C3orf62: variants seen among roughly 807,000 people sequenced by gnomAD.
The protein encoded by C3orf62 is chromosome 3 open reading frame 62.
C3orf62 carries 16 observed loss-of-function variants against 21.7 expected under a neutral mutation model. The observed-to-expected ratio is 0.74, with a 90% confidence interval of 0.50 to 1.12. The LOEUF (loss-of-function observed/expected upper bound fraction) is 1.12, where lower values mean the gene tolerates loss of function less well. C3orf62 is among the 50% of genes most tolerant of loss of function. The pLI, the probability that C3orf62 is intolerant of heterozygous loss-of-function variation, is 0.00. For missense variants in C3orf62, 310 were observed against 318.8 expected (o/e 0.97, Z 0.21); for synonymous variants, 114 against 117.0 (o/e 0.97, Z 0.17).
At chr3:49,273,554 C>A (rs1018005302) in intron 2 of C3orf62, among the ~76,000 whole-genome samples, 5 of 152,018 alleles carry the variant, frequency 3.3e-5, no homozygotes, top group African/African-American at 9.7e-5. Context: ...CTCAGCCTCC[C>A]TAGTAGCTGG....
chr3:49,275,820 G>A (rs955018524), intron 1 of C3orf62, among the ~76,000 whole-genome samples: 1 of 151,890 alleles, frequency 6.6e-6, no homozygotes, highest in Non-Finnish European at 1.5e-5. Context: ...GTGAGCCACC[G>A]CGCCCGGCCT....
rs2046908273 is a variant in C3orf62 at position 49,270,877 on chromosome 3, G to GGCCCAT, written c.*297_*302dup. 1 of 297,112 alleles carries GGCCCAT rather than the reference G, an allele frequency of 3.4e-6. No homozygotes were observed. The highest frequency in any genetic ancestry group is 6.2e-6 in the Non-Finnish European group (1 of 160,044). 18.4% of individuals were successfully genotyped at this position (297,112 alleles called of 1,614,324 possible). The stretch of plus-strand genomic sequence containing the variant: ...AAAGAACACTAAGAGACACAGCAGA[G>GGCCCAT]GCCCATGACCCACACCTACCATGGG... On this transcript the variant is annotated 3_prime_UTR_variant, in exon 3 of 3. Coordinates refer to ENST00000343010, the MANE Select transcript of C3orf62 (RefSeq NM_198562.3).
chr3:49,277,027 A>AAC lies in C3orf62; in HGVS notation c.-157_-156dup. On this transcript the variant is annotated 5_prime_UTR_variant, in exon 1 of 3. An upstream open reading frame in the 5' UTR loses its in-frame stop. Transcript: ENST00000343010. ...AGGCGGTTCTCGGCTCTCGCGGAGG[A>AAC]ACCCGCCATCTGCCAGAAGCCCCAA... 2.1e-6 allele frequency: 3 copies of AAC among 1,461,962 alleles called. No homozygotes were observed. Among genetic ancestry groups the AAC allele is most frequent in the Non-Finnish European group, 2.7e-6 (3 of 1,110,308 alleles). 90.6% of individuals were successfully genotyped at this position (1,461,962 alleles called of 1,614,324 possible).
chr3:49,275,529 T>TG (rs1309432110), intron 1 of C3orf62, among the ~76,000 whole-genome samples: 7 of 114,112 alleles, frequency 6.1e-5, no homozygotes, highest in Admixed American at 6.0e-4. Context: ...GTTTTTTTTT[T>TG]TTTTTTTTTT....
chr3:49,271,287 G>C lies in C3orf62; in HGVS notation c.697C>G (p.Pro233Ala). 1 of 1,614,184 alleles carries C rather than the reference G, an allele frequency of 6.2e-7. No individual in the cohort carries two copies. Among genetic ancestry groups the C allele is most frequent in the South Asian group, 1.1e-5 (1 of 91,088 alleles). The change falls in exon 3 of 3, where the codon CCT (proline) becomes GCT (alanine). Residue 233 changes from proline to alanine, a missense_variant. Coordinates refer to ENST00000343010, the MANE Select transcript of C3orf62 (RefSeq NM_198562.3). ...KSPQKATDAD[P>A]GSLKQAFDDH... Reference sequence around the variant, plus strand: ...TCAAAAGCCTGTTTGAGGCTGCCAGGGTCAGCATCTGTGGCCTTCTGAGGG... The same window carrying C: ...TCAAAAGCCTGTTTGAGGCTGCCAGCGTCAGCATCTGTGGCCTTCTGAGGG...
rs1054897314 is a variant in C3orf62, at chr3:49,269,869, C to G, written c.*1311G>C. 1.3e-5 allele frequency: 2 copies of G among 152,292 alleles called. No individual in the cohort carries two copies. Among genetic ancestry groups the G allele is most frequent in the Non-Finnish European group, 2.9e-5 (2 of 68,072 alleles). 9.4% of individuals were successfully genotyped at this position (152,292 alleles called of 1,614,324 possible). A position where few individuals can be genotyped will look rare whatever the true frequency, so the allele number is the denominator to read the frequency against. ...ATTTGAGCCCAGAGGAATCACTAGACCTGTGGTAAGGGATGTTGCTGGCTA... is the reference window on the plus strand; with the variant it reads ...ATTTGAGCCCAGAGGAATCACTAGAGCTGTGGTAAGGGATGTTGCTGGCTA... On this transcript the variant is annotated 3_prime_UTR_variant, in exon 3 of 3. Coordinates refer to ENST00000343010, the MANE Select transcript of C3orf62 (RefSeq NM_198562.3).
At chr3:49,275,520 T>G (rs13094114) in intron 1 of C3orf62, among the ~76,000 whole-genome samples, 1 of 23,204 alleles carries the variant, frequency 4.3e-5, no homozygotes, top group Admixed American at 5.4e-4. Flanking sequence ...AACTTTGAAG[T>G]TTTTTTTTTT....
rs1220729318 is a variant in C3orf62 at position 49,275,631 on chromosome 3, T to C, written c.446+796A>G. 3.8e-4 allele frequency among the ~76,000 whole-genome samples: 53 copies of C among 138,162 alleles called. 1 individual carries two copies. The highest frequency in any genetic ancestry group is 3.3e-4 in the African/African-American group (12 of 36,896). 90.6% of individuals were successfully genotyped at this position (138,162 alleles called of 152,430 possible). ...CTGCAAGCTCCGCCTCCCGGGTTCA[T>C]GCCATTCTCCTGCCTCAGCCTCCCG... On this transcript the variant is annotated intron_variant, in intron 1 of 2. Coordinates refer to ENST00000343010, the MANE Select transcript of C3orf62 (RefSeq NM_198562.3).
rs775374041 is a variant in C3orf62 at position 49,271,169 on chromosome 3, G to A, written c.*11C>T. 6 of 1,606,378 alleles carry A rather than the reference G, an allele frequency of 3.7e-6. No individual in the cohort carries two copies. In the South Asian group the frequency reaches 6.6e-5, roughly 18 times the overall value. On this transcript the variant is annotated 3_prime_UTR_variant, in exon 3 of 3. Transcript: ENST00000343010. ...TCCTGCTGTAAGGAATCAAAGCTTA[G>A]ATAACTGTCCTTACTCAATTTGGTA...
In C3orf62 at chr3:49,269,621, G is replaced by A. The variant is rs1483008774; in HGVS notation, c.*1559C>T. 2 of 152,230 alleles carry A rather than the reference G, an allele frequency of 1.3e-5. No homozygotes were observed. The highest frequency in any genetic ancestry group is 2.9e-5 in the Non-Finnish European group (2 of 68,050). The allele number at this position is 152,230 out of a possible 1,614,324, so 9.4% of individuals were successfully genotyped here. On this transcript the variant is annotated 3_prime_UTR_variant, in exon 3 of 3. Coordinates refer to ENST00000343010, the MANE Select transcript of C3orf62 (RefSeq NM_198562.3). ...GAATGCTTTGTGCTACCTCCTGCAG[G>A]GTCTGAGTGGTAGGTGGCCTGGAAG...
intron 1 of C3orf62, chr3:49,274,402 C>T: frequency 2.7e-6 from 1 of 365,130 alleles, no homozygotes; most frequent in Non-Finnish European, 5.1e-6. Flanking sequence ...GCCATGTTGC[C>T]CAGGCTGGTC....
intron 2 of C3orf62, among the ~76,000 whole-genome samples, chr3:49,272,975 A>G (rs9311439): frequency 0.099 from 15,131 of 152,206 alleles, 829 homozygotes; most frequent in Middle Eastern, 0.11. Flanking sequence ...CCTTGCCTTC[A>G]GGGACTCAGT....
intron 2 of C3orf62, among the ~76,000 whole-genome samples, chr3:49,271,795 G>C (rs2046913038): frequency 6.6e-6 from 1 of 151,752 alleles, no homozygotes; most frequent in Non-Finnish European, 1.5e-5. Flanking sequence ...CTGCTGCCCA[G>C]CCAGGAGCGG....
At chr3:49,271,510 A>G in intron 2 of C3orf62, 65 bp from the exon 3 acceptor site, 3 of 1,544,076 alleles carry the variant, frequency 1.9e-6, no homozygotes, top group Non-Finnish European at 2.6e-6. Context: ...TTTCAGGTGC[A>G]AGTTAAAAAC....
intron 1 of C3orf62, among the ~76,000 whole-genome samples, chr3:49,275,984 G>A (rs946328363): frequency 6.6e-6 from 1 of 152,100 alleles, no homozygotes; most frequent in Non-Finnish European, 1.5e-5. Context: ...CAAAGATGAA[G>A]CCAGGAAGTA....
rs572759699 is a variant in C3orf62 at position 49,276,899 on chromosome 3, T to C, written c.-27A>G. The C allele has an allele frequency of 8.2e-5, 130 of 1,582,168 alleles. 2 individuals are homozygous for C. In the South Asian group the frequency reaches 1.3e-3, roughly 16 times the overall value. On this transcript the variant is annotated 5_prime_UTR_variant, in exon 1 of 3. Transcript: ENST00000343010. ...GGAAATGCACAGGACAACACAATAA[T>C]GTTACAAATGAGGCTGCAAACTACC...
At chr3:49,275,519 G>GTTTGT (rs2046947494) in intron 1 of C3orf62, among the ~76,000 whole-genome samples, 1 of 69,292 alleles carries the variant, frequency 1.4e-5, no homozygotes, top group Non-Finnish European at 2.5e-5. Flanking sequence ...GAACTTTGAA[G>GTTTGT]TTTTTTTTTT....
rs531749342 is a variant in C3orf62, at chr3:49,273,211, T to C, written c.538+838A>G. Among the ~76,000 whole-genome samples, 17 of 152,282 alleles carry C rather than the reference T, an allele frequency of 1.1e-4. No homozygotes were observed. The East Asian group carries it at 3.3e-3, about 29-fold the overall frequency. On this transcript the variant is annotated intron_variant, in intron 2 of 2. Transcript: ENST00000343010. ...CCACAGTAAGTGGATTACTTGAGAC[T>C]AGGAGTTCGAGACCAGCCTGGACAA...
At position 49,276,787 on chromosome 3, in the gene C3orf62, T is replaced by C. The variant is rs1362145056; in HGVS notation, c.86A>G (p.Asp29Gly). The stretch of plus-strand genomic sequence containing the variant: ...ATAACTAACTCCTTCAAAGGCCCGG[T>C]CAATGGCTGCAGTCAGTTCCTTTCT... ...RCRKELTAAI[D>G]RAFEGVSYSQ... The change falls in exon 1 of 3, where the codon GAC (aspartate) becomes GGC (glycine). Residue 29 changes from aspartate to glycine, a missense_variant. Transcript: ENST00000343010. 6.2e-7 allele frequency: 1 copy of C among 1,614,210 alleles called. No individual in the cohort carries two copies. Among genetic ancestry groups the C allele is most frequent in the South Asian group, 1.1e-5 (1 of 91,086 alleles).
Sources: allele counts gnomAD v4.1 joint callset (sites outside exome capture counted in the v4.1 genomes callset), GRCh38; gene constraint gnomAD v4.1.1; transcripts MANE v1.5; gene names NCBI Gene and HGNC (gene_info 2026-07-23, HGNC 2026-07-21).